Variants in GPC6 observed in about 807,000 individuals in gnomAD.
The protein encoded by GPC6 is glypican-6.
In GPC6, 14 loss-of-function variants were observed where a neutral mutation model predicts 55.2. The ratio of observed to expected loss-of-function variants is 0.25; its 90% CI spans 0.17 to 0.40. GPC6 has a LOEUF of 0.40. GPC6 is among the 10% of genes least tolerant of loss of function. The pLI, the probability that GPC6 is intolerant of heterozygous loss-of-function variation, is 1.00. For synonymous variants in GPC6, 278 were observed against 259.6 expected (o/e 1.07, Z -0.68); for missense variants, 641 against 708.5 (o/e 0.90, Z 1.08).
chr13:93,249,957 G>A (rs1876728167), intron 1 of GPC6, among the ~76,000 whole-genome samples: 2 of 152,130 alleles, frequency 1.3e-5, no homozygotes, highest in South Asian at 2.1e-4. Context: ...ATGGGTAACA[G>A]GAGAAAACAT....
intron 4 of GPC6, among the ~76,000 whole-genome samples, chr13:94,156,986 C>G (rs1292581499): frequency 6.6e-6 from 1 of 152,110 alleles, no homozygotes; most frequent in African/African-American, 2.4e-5. Flanking sequence ...CCTACCTATC[C>G]TGATTACCCA....
chr13:93,285,616 C>CTGTGTGTGTGTG lies in GPC6; in HGVS notation c.160+58036_160+58047dup, dbSNP rs754671051. Among the ~76,000 whole-genome samples the CTGTGTGTGTGTG allele has an allele frequency of 5.3e-4, 55 of 103,574 alleles. 1 individual carries two copies. The highest frequency in any genetic ancestry group is 4.7e-3 in the Middle Eastern group (1 of 212). The allele number at this position is 103,574 out of a possible 152,430, so 67.9% of individuals were successfully genotyped here. ...GGGATGTATGTGTATGTATATACTG[C>CTGTGTGTGTGTG]TGTGTGTGTGTGTGTGTGTGTGTGT... On this transcript the variant is annotated intron_variant, in intron 1 of 8. Coordinates refer to ENST00000377047, the MANE Select transcript of GPC6 (RefSeq NM_005708.5).
chr13:93,694,342 G>T (rs1478696192), intron 2 of GPC6, among the ~76,000 whole-genome samples: 1 of 152,132 alleles, frequency 6.6e-6, no homozygotes, highest in African/African-American at 2.4e-5. Flanking sequence ...TGAGAAATTG[G>T]TTGTTGAAAA....
intron 2 of GPC6, among the ~76,000 whole-genome samples, chr13:93,624,825 A>G (rs1879133113): frequency 1.3e-5 from 2 of 152,244 alleles, no homozygotes; most frequent in Admixed American, 6.5e-5. Context: ...GTTAAGTATA[A>G]GAGAAGATAA....
At chr13:94,131,044 ATAT>A (rs2138865905) in intron 4 of GPC6, among the ~76,000 whole-genome samples, 1 of 152,228 alleles carries the variant, frequency 6.6e-6, no homozygotes, top group Non-Finnish European at 1.5e-5. Context: ...ACTCCTATAA[ATAT>A]TATGAGGAAA....
chr13:94,242,675 T>C (rs898957603), intron 4 of GPC6, among the ~76,000 whole-genome samples: 9 of 152,080 alleles, frequency 5.9e-5, no homozygotes, highest in Non-Finnish European at 1.0e-4. Context: ...TTCACAAAAG[T>C]AGCCATTAGT....
intron 2 of GPC6, among the ~76,000 whole-genome samples, chr13:93,819,858 G>A (rs1886984286): frequency 6.6e-6 from 1 of 152,032 alleles, no homozygotes; most frequent in Non-Finnish European, 1.5e-5. Context: ...AACCTACCAA[G>A]AAATAAAACA....
At chr13:93,274,517 A>G (rs1462004826) in intron 1 of GPC6, among the ~76,000 whole-genome samples, 1 of 152,186 alleles carries the variant, frequency 6.6e-6, no homozygotes, top group Admixed American at 6.5e-5. Context: ...CAGTATTGCT[A>G]TATTCATTCA....
chr13:93,425,968 C>G (rs927642017), intron 1 of GPC6, among the ~76,000 whole-genome samples: 2 of 152,138 alleles, frequency 1.3e-5, no homozygotes, highest in African/African-American at 4.8e-5. Flanking sequence ...TGCTCCAAAG[C>G]AAGATTTAAT....
At chr13:94,015,129 G>A (rs1486696003) in intron 3 of GPC6, among the ~76,000 whole-genome samples, 1 of 152,108 alleles carries the variant, frequency 6.6e-6, no homozygotes, top group Non-Finnish European at 1.5e-5. Flanking sequence ...TTCCAATGTG[G>A]CTGTACTATT....
At chr13:94,400,334 A>AG (rs1881071561) in intron 8 of GPC6, among the ~76,000 whole-genome samples, 1 of 152,162 alleles carries the variant, frequency 6.6e-6, no homozygotes, top group South Asian at 2.1e-4. Flanking sequence ...TATTTTTTCC[A>AG]GCCAAAATCT....
intron 1 of GPC6, among the ~76,000 whole-genome samples, chr13:93,265,633 A>G (rs1433521651): frequency 6.6e-6 from 1 of 152,142 alleles, no homozygotes; most frequent in Admixed American, 6.5e-5. Flanking sequence ...AATTTGAAAG[A>G]CTTCTGGTCC....
At chr13:93,911,410 G>C (rs1267935146) in intron 3 of GPC6, among the ~76,000 whole-genome samples, 1 of 46,246 alleles carries the variant, frequency 2.2e-5, no homozygotes, top group Non-Finnish European at 3.5e-5. Flanking sequence ...AATTGACTGT[G>C]TGTGTGTGTG....
chr13:93,917,726 C>G (rs556423022), intron 3 of GPC6, among the ~76,000 whole-genome samples: 1 of 152,138 alleles, frequency 6.6e-6, no homozygotes, highest in Non-Finnish European at 1.5e-5. Context: ...GGTGTGGGTG[C>G]GACCCCAGCC....
chr13:93,531,430 A>G (rs3858838), intron 1 of GPC6, among the ~76,000 whole-genome samples: 133,908 of 152,072 alleles, frequency 0.88, 59,360 homozygotes, highest in Middle Eastern at 0.92. Context: ...GCAGTGTTGA[A>G]GAAGAGTTTC....
At chr13:94,089,894 G>GA (rs1263602423) in intron 4 of GPC6, among the ~76,000 whole-genome samples, 1 of 151,946 alleles carries the variant, frequency 6.6e-6, no homozygotes, top group African/African-American at 2.4e-5. Flanking sequence ...TGACTGTGTT[G>GA]AAAAAAATAG....
chr13:93,651,376 AAAG>A (rs1880402661), intron 2 of GPC6, among the ~76,000 whole-genome samples: 1 of 152,148 alleles, frequency 6.6e-6, no homozygotes, highest in Non-Finnish European at 1.5e-5. Flanking sequence ...ACTGAAAAGA[AAAG>A]AAGCTGTTTG....
chr13:93,692,023 A>G (rs1321397633), intron 2 of GPC6, among the ~76,000 whole-genome samples: 1 of 152,068 alleles, frequency 6.6e-6, no homozygotes, highest in East Asian at 1.9e-4. Flanking sequence ...CATTTATGTA[A>G]AATGCTGAAA....
chr13:93,492,834 G>A (rs1458934216), intron 1 of GPC6, among the ~76,000 whole-genome samples: 1 of 150,254 alleles, frequency 6.7e-6, no homozygotes, highest in East Asian at 2.0e-4. Flanking sequence ...TTATTGATTG[G>A]CATATATTGA....
Sources: gnomAD v4.1 joint callset for allele counts (sites outside exome capture counted in the v4.1 genomes callset) on GRCh38, gnomAD v4.1.1 for gene constraint, MANE v1.5 for transcripts, NCBI Gene and HGNC (gene_info 2026-07-23, HGNC 2026-07-21) for gene names.